Variants in HS3ST2 observed in about 807,000 individuals in gnomAD.
The protein encoded by HS3ST2 is heparan sulfate glucosamine 3-O-sulfotransferase 2.
HS3ST2 carries 17 observed loss-of-function variants against 26.3 expected under a neutral mutation model. The observed-to-expected ratio is 0.65, with a 90% confidence interval of 0.44 to 0.97. The LOEUF is 0.97. HS3ST2 is among the 50% of genes least tolerant of loss of function. The pLI is 0.00. For missense variants in HS3ST2, 402 were observed against 501.2 expected, an observed-to-expected ratio of 0.80 and a Z score of 1.89; for synonymous variants, 237 against 219.2, an observed-to-expected ratio of 1.08 and a Z score of -0.72.
At position 22,889,561 on chromosome 16, in the gene HS3ST2, G is replaced by C. The variant is rs1902104752; in HGVS notation, c.486-25383G>C. Among the ~76,000 whole-genome samples, 3 of 152,138 alleles carry C rather than the reference G, an allele frequency of 2.0e-5. No homozygotes were observed. In the South Asian group the frequency reaches 6.2e-4, roughly 31 times the overall value. On this transcript the variant is annotated intron_variant, in intron 1 of 1. Coordinates refer to ENST00000261374, the MANE Select transcript of HS3ST2 (RefSeq NM_006043.2). ...CAGATTCGGGATGCTCAATTGGTAAGTATAATACAAATATTCCAAAATCTG... is the reference window on the plus strand; with the variant it reads ...CAGATTCGGGATGCTCAATTGGTAACTATAATACAAATATTCCAAAATCTG...
intron 1 of HS3ST2, among the ~76,000 whole-genome samples, chr16:22,866,327 GCA>G (rs10603570): frequency 0.079 from 11,792 of 149,196 alleles, 590 homozygotes; most frequent in South Asian, 0.14. Flanking sequence ...GCGCGCGCGC[GCA>G]CACACACACA....
intron 1 of HS3ST2, among the ~76,000 whole-genome samples, chr16:22,889,256 G>C (rs1031157500): frequency 6.6e-6 from 1 of 152,186 alleles, no homozygotes; most frequent in Non-Finnish European, 1.5e-5. Flanking sequence ...AGACTTTGGT[G>C]ACAAATTTAC....
At chr16:22,879,002 A>G (rs116875761) in intron 1 of HS3ST2, among the ~76,000 whole-genome samples, 2 of 152,366 alleles carry the variant, frequency 1.3e-5, no homozygotes, top group East Asian at 1.9e-4. Context: ...AGCCCTGTCT[A>G]CATATTCCTG....
intron 1 of HS3ST2, among the ~76,000 whole-genome samples, chr16:22,884,677 T>TTA (rs71901649): frequency 0.016 from 2,263 of 138,242 alleles, 44 homozygotes; most frequent in African/African-American, 0.044. Flanking sequence ...TATATATATA[T>TTA]TATATATATA....
intron 1 of HS3ST2, among the ~76,000 whole-genome samples, chr16:22,891,662 T>G (rs1051400009): frequency 6.6e-6 from 1 of 152,242 alleles, no homozygotes; most frequent in African/African-American, 2.4e-5. Context: ...ACTGAATATT[T>G]TGCAATATTT....
At chr16:22,885,967 T>A (rs953560635) in intron 1 of HS3ST2, among the ~76,000 whole-genome samples, 1 of 152,156 alleles carries the variant, frequency 6.6e-6, no homozygotes, top group Non-Finnish European at 1.5e-5. Flanking sequence ...AGCCTTTCTT[T>A]CCTGGCTCAT....
At chr16:22,817,048 G>A (rs924732230) in intron 1 of HS3ST2, among the ~76,000 whole-genome samples, 4 of 152,058 alleles carry the variant, frequency 2.6e-5, no homozygotes, top group African/African-American at 9.7e-5. Flanking sequence ...TTTTAACCTT[G>A]GCATGTGTGA....
At chr16:22,845,766 A>T (rs1229726652) in intron 1 of HS3ST2, among the ~76,000 whole-genome samples, 1 of 152,234 alleles carries the variant, frequency 6.6e-6, no homozygotes, top group Non-Finnish European at 1.5e-5. Context: ...GTTTAGCAAC[A>T]CAAGAAGCAA....
chr16:22,820,979 GA>G (rs1361040015), intron 1 of HS3ST2, among the ~76,000 whole-genome samples: 1 of 152,286 alleles, frequency 6.6e-6, no homozygotes, highest in Non-Finnish European at 1.5e-5. Flanking sequence ...CTGCCTGGGA[GA>G]CCTGGCTTCC....
chr16:22,816,730 G>A (rs914705071), intron 1 of HS3ST2, among the ~76,000 whole-genome samples: 15 of 152,226 alleles, frequency 9.9e-5, no homozygotes, highest in Admixed American at 2.6e-4. Context: ...TCCCGGGATG[G>A]AGGAGGCAAA....
At chr16:22,902,365 T>C (rs541756980) in intron 1 of HS3ST2, among the ~76,000 whole-genome samples, 3 of 152,342 alleles carry the variant, frequency 2.0e-5, no homozygotes, top group African/African-American at 7.2e-5. Flanking sequence ...GAAAAGTTTA[T>C]TTCCTGCTTA....
intron 1 of HS3ST2, among the ~76,000 whole-genome samples, chr16:22,910,538 G>A (rs1053293785): frequency 6.6e-6 from 1 of 152,080 alleles, no homozygotes; most frequent in Admixed American, 6.6e-5. Flanking sequence ...GTGATTGTTT[G>A]CACATAATGC....
Position 22,915,027 on chromosome 16 carries a change from G to A in HS3ST2, c.569G>A (p.Arg190His). 3.1e-6 allele frequency: 5 copies of A among 1,614,022 alleles called. No homozygotes were observed. The highest frequency in any genetic ancestry group is 1.1e-5 in the South Asian group (1 of 91,058). The change falls in exon 2 of 2, where the codon CGC (arginine) becomes CAC (histidine). Residue 190 changes from arginine (R) to histidine (H), a missense_variant. By Grantham distance (29) the Arg-to-His change is conservative. Coordinates refer to ENST00000261374, the MANE Select transcript of HS3ST2 (RefSeq NM_006043.2). ...TTTGTCACTCAAGAGGCTCCTCGAC[G>A]CATCTTCAACATGTCCCGAGACACC... Reference protein sequence around the residue: ...SYFVTQEAPRRIFNMSRDTKL... With the variant: ...SYFVTQEAPRHIFNMSRDTKL...
At chr16:22,851,742 C>T (rs906951489) in intron 1 of HS3ST2, among the ~76,000 whole-genome samples, 15 of 152,182 alleles carry the variant, frequency 9.9e-5, no homozygotes, top group Non-Finnish European at 2.9e-5. Context: ...GTGTTGATGG[C>T]TGTGGTAGTT....
At chr16:22,817,645 T>A (rs1484909643) in intron 1 of HS3ST2, among the ~76,000 whole-genome samples, 2 of 152,218 alleles carry the variant, frequency 1.3e-5, no homozygotes, top group Non-Finnish European at 2.9e-5. Flanking sequence ...CCGCTCTCTG[T>A]CCACTGCCTT....
intron 1 of HS3ST2, among the ~76,000 whole-genome samples, chr16:22,910,672 G>A (rs1237566998): frequency 1.3e-5 from 2 of 152,062 alleles, no homozygotes; most frequent in Non-Finnish European, 2.9e-5. Context: ...TAATAAATAC[G>A]ATTTCAACTT....
intron 1 of HS3ST2, among the ~76,000 whole-genome samples, chr16:22,841,220 C>G (rs1226428376): frequency 1.3e-5 from 2 of 152,038 alleles, no homozygotes; most frequent in African/African-American, 4.8e-5. Context: ...CACCAGCATG[C>G]CCAGCTAATT....
intron 1 of HS3ST2, 62 bp downstream of exon 1, chr16:22,815,157 T>A (rs183892748): frequency 6.3e-7 from 1 of 1,588,706 alleles, no homozygotes; most frequent in Non-Finnish European, 8.5e-7. Flanking sequence ...GGGAGAGCCA[T>A]CCGTCTCTTG....
chr16:22,893,268 T>C (rs2141201521), intron 1 of HS3ST2, among the ~76,000 whole-genome samples: 1 of 152,344 alleles, frequency 6.6e-6, no homozygotes. Context: ...AATAGCTCCT[T>C]GATGATATTC....
Sources: gnomAD v4.1 joint callset for allele counts (sites outside exome capture counted in the v4.1 genomes callset) on GRCh38, gnomAD v4.1.1 for gene constraint, MANE v1.5 for transcripts, NCBI Gene and HGNC (gene_info 2026-07-23, HGNC 2026-07-21) for gene names.